Variants in OLA1 observed in about 807,000 individuals in gnomAD.
The protein encoded by OLA1 is obg-like ATPase 1.
In OLA1, 14 loss-of-function variants were observed where a neutral mutation model predicts 48.4. That is an observed-to-expected ratio of 0.29 (90% CI 0.19 to 0.45). The LOEUF (loss-of-function observed/expected upper bound fraction) is 0.45. Ranked by LOEUF, OLA1 falls within the 20% of genes least tolerant of loss-of-function variation. The probability of loss-of-function intolerance (pLI) is 1.00; values close to 1 mark genes in which losing one functional copy is unlikely to be tolerated. For synonymous variants in OLA1, 127 were observed against 150.4 expected (o/e 0.84, Z 1.14); for missense variants, 325 against 467.1 (o/e 0.70, Z 2.80).
intron 7 of OLA1, among the ~76,000 whole-genome samples, chr2:174,105,401 T>G (rs912258042): frequency 6.6e-6 from 1 of 152,032 alleles, no homozygotes; most frequent in Admixed American, 6.6e-5. Context: ...TGTAGAATTT[T>G]GAGTTCTGTG....
At chr2:174,164,446 T>C (rs115659057) in intron 4 of OLA1, among the ~76,000 whole-genome samples, 1 of 123,844 alleles carries the variant, frequency 8.1e-6, no homozygotes, top group African/African-American at 4.0e-5. Context: ...CTTCACCACA[T>C]ATTTAATGAA....
At chr2:174,194,937 C>T (rs767305626) in intron 4 of OLA1, among the ~76,000 whole-genome samples, 21 of 152,038 alleles carry the variant, frequency 1.4e-4, no homozygotes, top group South Asian at 2.1e-4. Flanking sequence ...AACATACAAA[C>T]GTGCATATTC....
intron 4 of OLA1, among the ~76,000 whole-genome samples, chr2:174,147,375 C>T (rs376499188): frequency 7.2e-5 from 11 of 151,830 alleles, no homozygotes; most frequent in East Asian, 5.8e-4. Flanking sequence ...TGCGGTGAGC[C>T]GAGATCGTGC....
At chr2:174,142,747 T>G (rs1326440033) in intron 4 of OLA1, among the ~76,000 whole-genome samples, 2 of 152,206 alleles carry the variant, frequency 1.3e-5, no homozygotes, top group Non-Finnish European at 2.9e-5. Context: ...TATGCCCTTT[T>G]GAAGACATAA....
intron 4 of OLA1, among the ~76,000 whole-genome samples, chr2:174,211,203 ACACT>A (rs774597392): frequency 1.0e-3 from 129 of 126,386 alleles, no homozygotes; most frequent in South Asian, 2.1e-3. Context: ...ACACACACAC[ACACT>A]CTCTCTCTCT....
At chr2:174,129,184 C>G (rs377037299) in intron 5 of OLA1, among the ~76,000 whole-genome samples, 2 of 152,128 alleles carry the variant, frequency 1.3e-5, no homozygotes, top group African/African-American at 4.8e-5. Context: ...TGGAGCTGGG[C>G]GCAGTGGCTC....
chr2:174,123,736 A>G, intron 5 of OLA1, 61 bp from the exon 6 acceptor site: 2 of 834,328 alleles, frequency 2.4e-6, no homozygotes, highest in Non-Finnish European at 3.5e-6. Context: ...GATACTAAAT[A>G]TTAAAAAGTT....
At chr2:174,105,811 A>C (rs1164967394) in intron 7 of OLA1, among the ~76,000 whole-genome samples, 1 of 152,012 alleles carries the variant, frequency 6.6e-6, no homozygotes, top group Non-Finnish European at 1.5e-5. Flanking sequence ...CTGTTTTTAA[A>C]AGTACGTTAT....
In OLA1 at chr2:174,156,578, C is replaced by CTTT. The variant is rs5836451; in HGVS notation, c.374-14581_374-14579dup. 4.1e-3 allele frequency among the ~76,000 whole-genome samples: 307 copies of CTTT among 74,168 alleles called. No homozygotes were observed. The East Asian group carries it at 0.046, about 11-fold the overall frequency. 48.7% of individuals were successfully genotyped at this position (74,168 alleles called of 152,430 possible). A position where few individuals can be genotyped will look rare whatever the true frequency, so the allele number is the denominator to read the frequency against. ...ATGCTGGCTTGTTTGCTCCCACACT[C>CTTT]TTTTTTTTTTTTTTTTTTTTTTTGA... On this transcript the variant is annotated intron_variant, in intron 4 of 10. Transcript: ENST00000284719.
At chr2:174,147,961 T>C (rs1401350260) in intron 4 of OLA1, among the ~76,000 whole-genome samples, 2 of 152,176 alleles carry the variant, frequency 1.3e-5, no homozygotes, top group East Asian at 1.9e-4. Context: ...ATAGCTGGGA[T>C]TTCAGGTGCG....
At chr2:174,203,930 G>C (rs1688049194) in intron 4 of OLA1, among the ~76,000 whole-genome samples, 1 of 151,600 alleles carries the variant, frequency 6.6e-6, no homozygotes, top group Non-Finnish European at 1.5e-5. Context: ...GAGTAACTGG[G>C]ATTACAGGTG....
In OLA1 at chr2:174,126,356, A is replaced by T. The variant is rs143253296; in HGVS notation, c.550-2681T>A. On this transcript the variant is annotated intron_variant, in intron 5 of 10. Transcript: ENST00000284719. ...ACTGGAAAAAAAAATTGAATACCCAATGCATTCAGAAGTTGCCTTAGGTTC... is the reference window on the plus strand; with the variant it reads ...ACTGGAAAAAAAAATTGAATACCCATTGCATTCAGAAGTTGCCTTAGGTTC... Among the ~76,000 whole-genome samples, 6 of 152,270 alleles carry T rather than the reference A, an allele frequency of 3.9e-5. No homozygotes were observed. The East Asian group carries it at 1.2e-3, about 29-fold the overall frequency.
intron 7 of OLA1, among the ~76,000 whole-genome samples, chr2:174,087,329 A>G (rs978676914): frequency 1.3e-5 from 2 of 151,836 alleles, no homozygotes; most frequent in Non-Finnish European, 2.9e-5. Flanking sequence ...CTCGGCCCCT[A>G]TTGTATATTC....
chr2:174,195,826 C>T (rs1316741325), intron 4 of OLA1, among the ~76,000 whole-genome samples: 1 of 152,120 alleles, frequency 6.6e-6, no homozygotes, highest in Non-Finnish European at 1.5e-5. Context: ...ATAACAGTGA[C>T]ATTCTTAAAG....
chr2:174,166,322 T>C (rs562728210), intron 4 of OLA1, among the ~76,000 whole-genome samples: 1 of 152,146 alleles, frequency 6.6e-6, no homozygotes, highest in East Asian at 1.9e-4. Flanking sequence ...TGATAGAGCC[T>C]CTGAGAAGCA....
At chr2:174,244,784 C>G (rs1275197309) in intron 2 of OLA1, among the ~76,000 whole-genome samples, 1 of 151,942 alleles carries the variant, frequency 6.6e-6, no homozygotes, top group African/African-American at 2.4e-5. Context: ...GCCACCATGT[C>G]CGGCTAATTT....
intron 7 of OLA1, among the ~76,000 whole-genome samples, chr2:174,112,051 A>T (rs1685665168): frequency 6.6e-6 from 1 of 152,192 alleles, no homozygotes; most frequent in Non-Finnish European, 1.5e-5. Flanking sequence ...GTTATAATGA[A>T]TTTTTAGTCT....
intron 7 of OLA1, among the ~76,000 whole-genome samples, chr2:174,109,659 T>G (rs909355187): frequency 6.6e-6 from 1 of 152,200 alleles, no homozygotes; most frequent in Non-Finnish European, 1.5e-5. Flanking sequence ...CTATTTCAAT[T>G]TGGCCTGAAG....
chr2:174,191,567 G>A (rs1229747613), intron 4 of OLA1, among the ~76,000 whole-genome samples: 1 of 151,720 alleles, frequency 6.6e-6, no homozygotes, highest in Non-Finnish European at 1.5e-5. Context: ...TGATCTTCCC[G>A]CCTCAGCCCA....
Sources: gnomAD v4.1 joint callset for allele counts (sites outside exome capture counted in the v4.1 genomes callset) on GRCh38, gnomAD v4.1.1 for gene constraint, MANE v1.5 for transcripts, NCBI Gene and HGNC (gene_info 2026-07-23, HGNC 2026-07-21) for gene names.